Variants in NDUFAF2 observed in about 807,000 individuals in gnomAD.
NDUFAF2 encodes NADH dehydrogenase [ubiquinone] 1 alpha subcomplex assembly factor 2.
A neutral mutation model predicts 22.8 loss-of-function variants in NDUFAF2; 13 were observed. The ratio of observed to expected loss-of-function variants is 0.57; its 90% confidence interval spans 0.37 to 0.91. The LOEUF is 0.91. Ranked by LOEUF, NDUFAF2 falls within the 40% of genes least tolerant of loss-of-function variation. The pLI is 0.01. For synonymous variants in NDUFAF2, 53 were observed against 64.2 expected (o/e 0.83, Z 0.84); for missense variants, 162 against 195.2 (o/e 0.83, Z 1.01).
chr5:61,023,664 G>GGATA (rs1751614966), intron 1 of NDUFAF2, among the ~76,000 whole-genome samples: 1 of 152,146 alleles, frequency 6.6e-6, no homozygotes, highest in Non-Finnish European at 1.5e-5. Flanking sequence ...CACATATATA[G>GGATA]GATACTCTTG....
intron 1 of NDUFAF2, among the ~76,000 whole-genome samples, chr5:60,977,371 A>G (rs1580075952): frequency 6.6e-6 from 1 of 151,978 alleles, no homozygotes; most frequent in Non-Finnish European, 1.5e-5. Context: ...CGAGATTACA[A>G]TGAGCTATGA....
chr5:61,054,589 G>T (rs1345235102), intron 1 of NDUFAF2, among the ~76,000 whole-genome samples: 1 of 152,114 alleles, frequency 6.6e-6, no homozygotes, highest in Non-Finnish European at 1.5e-5. Context: ...GAGATACAGG[G>T]CAAAATCCAA....
chr5:60,974,872 G>C (rs1465577288), intron 1 of NDUFAF2, among the ~76,000 whole-genome samples: 1 of 152,138 alleles, frequency 6.6e-6, no homozygotes, highest in Non-Finnish European at 1.5e-5. Flanking sequence ...CTAGAGTGCA[G>C]TGGTGTGATC....
chr5:61,093,048 G>T (rs1161887449), intron 2 of NDUFAF2, among the ~76,000 whole-genome samples: 1 of 152,144 alleles, frequency 6.6e-6, no homozygotes, highest in Non-Finnish European at 1.5e-5. Context: ...GTAAGTTCAA[G>T]AATCTAAAAA....
chr5:61,025,033 A>C (rs576372407), intron 1 of NDUFAF2, among the ~76,000 whole-genome samples: 2 of 152,052 alleles, frequency 1.3e-5, no homozygotes, highest in Non-Finnish European at 2.9e-5. Context: ...GAAAGCTTCT[A>C]TAACTGCTTA....
intron 1 of NDUFAF2, among the ~76,000 whole-genome samples, chr5:61,059,598 AT>A (rs1752139822): frequency 6.6e-6 from 1 of 152,096 alleles, no homozygotes; most frequent in Non-Finnish European, 1.5e-5. Flanking sequence ...ATCATATTAT[AT>A]AAAGCATTTC....
intron 2 of NDUFAF2, among the ~76,000 whole-genome samples, chr5:61,095,608 CT>C (rs1752629804): frequency 6.6e-6 from 1 of 152,202 alleles, no homozygotes; most frequent in Non-Finnish European, 1.5e-5. Context: ...GTATGTAGAG[CT>C]GCGCCTCTGT....
chr5:61,039,375 A>G (rs1401108825), intron 1 of NDUFAF2, among the ~76,000 whole-genome samples: 2 of 152,182 alleles, frequency 1.3e-5, no homozygotes, highest in African/African-American at 4.8e-5. Context: ...AGCACATGTA[A>G]CTAATAGATA....
intron 2 of NDUFAF2, among the ~76,000 whole-genome samples, chr5:61,094,510 C>T (rs1365399744): frequency 1.3e-5 from 2 of 152,300 alleles, no homozygotes; most frequent in East Asian, 1.9e-4. Context: ...TCAGCTTAAG[C>T]GCAGTTCTGA....
chr5:61,048,313 G>A (rs1057211576), intron 1 of NDUFAF2, among the ~76,000 whole-genome samples: 2 of 151,988 alleles, frequency 1.3e-5, no homozygotes, highest in East Asian at 1.9e-4. Context: ...ATTATTTCTC[G>A]CTAACTAACT....
intron 1 of NDUFAF2, among the ~76,000 whole-genome samples, chr5:61,040,292 G>GTGCGCGCGCGCGCA (rs1554080871): frequency 1.1e-5 from 1 of 93,704 alleles, no homozygotes; most frequent in African/African-American, 5.3e-5. Context: ...ACACACGCGC[G>GTGCGCGCGCGCGCA]CGCGCGCGCG....
At chr5:61,128,606 C>T (rs1411143668) in intron 3 of NDUFAF2, among the ~76,000 whole-genome samples, 2 of 152,132 alleles carry the variant, frequency 1.3e-5, no homozygotes, top group Non-Finnish European at 2.9e-5. Flanking sequence ...ATGTAGAGAG[C>T]TGAAACTGGA....
chr5:60,981,375 G>A (rs1750975319), intron 1 of NDUFAF2, among the ~76,000 whole-genome samples: 1 of 152,100 alleles, frequency 6.6e-6, no homozygotes, highest in Non-Finnish European at 1.5e-5. Flanking sequence ...TACTTTCCCA[G>A]GCAAAATACC....
At chr5:60,964,986 G>C (rs568635321) in intron 1 of NDUFAF2, among the ~76,000 whole-genome samples, 88 of 152,138 alleles carry the variant, frequency 5.8e-4, no homozygotes, top group African/African-American at 2.0e-3. Context: ...TCATGTTATG[G>C]TTGTTGCTAT....
At chr5:61,143,409 C>G (rs1741085975) in intron 3 of NDUFAF2, among the ~76,000 whole-genome samples, 1 of 151,938 alleles carries the variant, frequency 6.6e-6, no homozygotes, top group African/African-American at 2.4e-5. Flanking sequence ...GTGGAGCTGT[C>G]AAGGTCAAAT....
Position 61,026,907 on chromosome 5 carries a change from T to G in NDUFAF2, c.128-46218T>G, listed in dbSNP as rs907110410. 1.9e-4 allele frequency among the ~76,000 whole-genome samples: 29 copies of G among 152,016 alleles called. 1 individual carries two copies. In the East Asian group the frequency reaches 5.4e-3, roughly 28 times the overall value. ...ATGGATTGTAGGTGAACTGAAGGACTTAGGAGTGTGTTCATTGTTCCTGCA... is the reference window on the plus strand; with the variant it reads ...ATGGATTGTAGGTGAACTGAAGGACGTAGGAGTGTGTTCATTGTTCCTGCA... On this transcript the variant is annotated intron_variant, in intron 1 of 3. Transcript: ENST00000296597.
chr5:60,947,815 A>G (rs1400133462), intron 1 of NDUFAF2, among the ~76,000 whole-genome samples: 1 of 151,848 alleles, frequency 6.6e-6, no homozygotes, highest in African/African-American at 2.4e-5. Flanking sequence ...AAATATATTT[A>G]TACCAGTTTT....
At chr5:61,012,830 G>A (rs1330570989) in intron 1 of NDUFAF2, among the ~76,000 whole-genome samples, 1 of 151,504 alleles carries the variant, frequency 6.6e-6, no homozygotes, top group Non-Finnish European at 1.5e-5. Flanking sequence ...AAAGAAATGG[G>A]GCAAAGTAAA....
At chr5:61,091,479 G>A (rs902947661) in intron 2 of NDUFAF2, among the ~76,000 whole-genome samples, 5 of 152,058 alleles carry the variant, frequency 3.3e-5, no homozygotes, top group Non-Finnish European at 5.9e-5. Context: ...TTTGAGAAGC[G>A]TCTGTTCATG....
Sources: allele counts gnomAD v4.1 joint callset (sites outside exome capture counted in the v4.1 genomes callset), GRCh38; gene constraint gnomAD v4.1.1; transcripts MANE v1.5; gene names NCBI Gene and HGNC (gene_info 2026-07-23, HGNC 2026-07-21).